The following OGDH variants were observed in gnomAD, a reference collection of about 807,000 sequenced individuals.
OGDH encodes oxoglutarate dehydrogenase.
A neutral mutation model predicts 116.6 loss-of-function variants in OGDH; 38 were observed. The ratio of observed to expected loss-of-function variants is 0.33; its 90% CI spans 0.25 to 0.43. The LOEUF (loss-of-function observed/expected upper bound fraction) is 0.43, where lower values mean the gene tolerates loss of function less well. Ranked by LOEUF, OGDH falls within the 20% of genes least tolerant of loss-of-function variation. The pLI is 1.00. For synonymous variants in OGDH, 488 were observed against 533.3 expected (o/e 0.92, Z 1.17); for missense variants, 825 against 1,357.2 (o/e 0.61, Z 6.16).
chr7:44,645,490 C>T lies in OGDH; in HGVS notation c.386C>T (p.Ala129Val). ...NVDKLVEDHL[A>V]VQSLIRAYQI... ...GACAAGCTCGTGGAGGACCACCTGG[C>T]AGTGCAGTCGCTCATCAGGGCATAT... is the stretch of plus-strand genomic sequence containing the variant. Residue 129 changes from alanine to valine, a missense_variant, in exon 3 of 23, where the codon GCA (alanine) becomes GTA (valine). Ala to Val is a moderately conservative substitution (Grantham distance 64, BLOSUM62 0). Around this residue, in one of 7 missense-constraint regions of OGDH, gnomAD observed 171 missense variants for 276.8 expected, o/e 0.62. Coordinates refer to ENST00000222673, the MANE Select transcript of OGDH (RefSeq NM_002541.4). 1 of 1,614,158 alleles carries T rather than the reference C, an allele frequency of 6.2e-7. No individual in the cohort carries two copies. Among genetic ancestry groups the T allele is most frequent in the Non-Finnish European group, 8.5e-7 (1 of 1,180,012 alleles).
intron 10 of OGDH, among the ~76,000 whole-genome samples, chr7:44,688,450 A>C (rs1364400858): frequency 4.1e-5 from 2 of 48,258 alleles, no homozygotes; most frequent in Non-Finnish European, 8.4e-5. Context: ...TTTTTTTTTG[A>C]GACGGAGTCT....
chr7:44,697,578 TTTTCTCC>T lies in OGDH; in HGVS notation c.2180-23_2180-17del. 1 of 1,613,906 alleles carries T rather than the reference TTTTCTCC, an allele frequency of 6.2e-7. No homozygotes were observed. The highest frequency in any genetic ancestry group is 8.5e-7 in the Non-Finnish European group (1 of 1,179,898). On this transcript the variant is annotated intron_variant, in intron 16 of 22. Transcript: ENST00000222673. The surrounding 1 kb of genome is among the most constrained non-coding windows in gnomAD (Gnocchi z 6.0). Reference sequence around the variant, plus strand: ...CTACTGGCTGGTGTCCTGGACATGGTTTTCTCCTTCCTTTGTCCCTTGTAGGCTTTGA... The same window carrying T: ...CTACTGGCTGGTGTCCTGGACATGGTTTCCTTTGTCCCTTGTAGGCTTTGA...
rs1232546320 is a variant in OGDH at position 44,674,395 on chromosome 7, T to A, written c.789-16T>A. ...GAGTGACATTGCCCTTCAAGGTGGCTTGGTTCCCTGTCCAGGTTTGAGGAG... is the reference window on the plus strand; with the variant it reads ...GAGTGACATTGCCCTTCAAGGTGGCATGGTTCCCTGTCCAGGTTTGAGGAG... On this transcript the variant is annotated splice_polypyrimidine_tract_variant and intron_variant, in intron 6 of 22. Coordinates refer to ENST00000222673, the MANE Select transcript of OGDH (RefSeq NM_002541.4). The A allele has an allele frequency of 6.2e-7, 1 of 1,613,948 alleles. No individual in the cohort carries two copies. The highest frequency in any genetic ancestry group is 2.2e-5 in the East Asian group (1 of 44,876).
intron 2 of OGDH, among the ~76,000 whole-genome samples, chr7:44,632,033 G>A (rs749580786): frequency 6.6e-6 from 1 of 152,164 alleles, no homozygotes; most frequent in Non-Finnish European, 1.5e-5. Context: ...GGAGCCAGAC[G>A]CAGCAAGAAA....
intron 2 of OGDH, among the ~76,000 whole-genome samples, chr7:44,632,283 G>T (rs1785474729): frequency 6.6e-6 from 1 of 151,950 alleles, no homozygotes. Flanking sequence ...CTCTAAATGA[G>T]GATCACTGCA....
intron 2 of OGDH, among the ~76,000 whole-genome samples, chr7:44,625,299 ATT>A (rs1785162478): frequency 6.6e-6 from 1 of 151,780 alleles, no homozygotes; most frequent in East Asian, 1.9e-4. Flanking sequence ...TAGTTTTTGT[ATT>A]TTTAGTAGAG....
intron 1 of OGDH, among the ~76,000 whole-genome samples, chr7:44,612,315 C>G (rs969076208): frequency 6.6e-6 from 1 of 152,168 alleles, no homozygotes; most frequent in Non-Finnish European, 1.5e-5. Flanking sequence ...TAAGAAGTCT[C>G]AAAATCGGAT....
chr7:44,634,196 G>A (rs776148075), intron 2 of OGDH, among the ~76,000 whole-genome samples: 7 of 152,234 alleles, frequency 4.6e-5, no homozygotes, highest in Admixed American at 6.5e-5. Context: ...AGGCCGGAGC[G>A]ATTCCTGCAC....
At chr7:44,703,596 C>T (rs752544428) in intron 20 of OGDH, among the ~76,000 whole-genome samples, 3 of 150,234 alleles carry the variant, frequency 2.0e-5, no homozygotes, top group East Asian at 3.9e-4. Flanking sequence ...GGCGCGCACC[C>T]GTAATCCCAG....
intron 10 of OGDH, among the ~76,000 whole-genome samples, chr7:44,693,365 G>C (rs1156296577): frequency 6.6e-6 from 1 of 151,504 alleles, no homozygotes; most frequent in Non-Finnish European, 1.5e-5. Context: ...ATAACACTTC[G>C]GGAAGCCGAG....
intron 20 of OGDH, among the ~76,000 whole-genome samples, chr7:44,703,057 T>A (rs1788908796): frequency 6.6e-6 from 1 of 152,244 alleles, no homozygotes; most frequent in South Asian, 2.1e-4. Flanking sequence ...CTGGCTTGTT[T>A]CATTTAGTAT....
chr7:44,703,185 G>A (rs2116409410), intron 20 of OGDH, among the ~76,000 whole-genome samples: 1 of 152,232 alleles, frequency 6.6e-6, no homozygotes, highest in African/African-American at 2.4e-5. Flanking sequence ...GGAGTTCGAG[G>A]CAGGTGGATC....
At chr7:44,642,039 G>A (rs936365414) in intron 2 of OGDH, among the ~76,000 whole-genome samples, 2 of 152,194 alleles carry the variant, frequency 1.3e-5, no homozygotes, top group East Asian at 1.9e-4. Context: ...CATGAGAACC[G>A]ATTTAATGGA....
chr7:44,685,076 G>T (rs776294745), intron 10 of OGDH, among the ~76,000 whole-genome samples: 1 of 152,010 alleles, frequency 6.6e-6, no homozygotes. Flanking sequence ...ATGAGCCACC[G>T]CTCCTGGCCT....
chr7:44,676,348 G>C, intron 9 of OGDH, 199 bp downstream of exon 9: 3 of 1,223,094 alleles, frequency 2.5e-6, no homozygotes, highest in Non-Finnish European at 3.3e-6. Flanking sequence ...CTGAGTTCGG[G>C]AGTTGGAGAC....
chr7:44,699,755 G>T (rs934767405), intron 18 of OGDH, among the ~76,000 whole-genome samples: 1 of 152,170 alleles, frequency 6.6e-6, no homozygotes, highest in Non-Finnish European at 1.5e-5. Flanking sequence ...AGTTCTGTAG[G>T]CTGTACAGGA....
chr7:44,661,046 T>C (rs893922348), intron 4 of OGDH, among the ~76,000 whole-genome samples: 2 of 152,182 alleles, frequency 1.3e-5, no homozygotes, highest in African/African-American at 4.8e-5. Flanking sequence ...GAGAGAGGGG[T>C]ATTAAAGTCT....
At chr7:44,611,416 C>T (rs1784561700) in intron 1 of OGDH, among the ~76,000 whole-genome samples, 1 of 151,964 alleles carries the variant, frequency 6.6e-6, no homozygotes, top group Admixed American at 6.6e-5. Context: ...CTACAGGTGC[C>T]CGCCACCATG....
At position 44,697,092 on chromosome 7, in the gene OGDH, C is replaced by T. The variant is rs1212465775; in HGVS notation, c.2051+28C>T. On this transcript the variant is annotated intron_variant, in intron 15 of 22. Transcript: ENST00000222673. This position sits in a 1 kb window ranked among gnomAD's most constrained non-coding sequence, Gnocchi z 6.0. ...AACGTTCTGGGCAGTTTTGTTTGCCCTCCAAAGAGTAGAAGATGGAAAGGG... is the reference window on the plus strand; with the variant it reads ...AACGTTCTGGGCAGTTTTGTTTGCCTTCCAAAGAGTAGAAGATGGAAAGGG... 11 of 1,601,824 alleles carry T rather than the reference C, an allele frequency of 6.9e-6. No individual in the cohort carries two copies. The highest frequency in any genetic ancestry group is 9.4e-6 in the Non-Finnish European group (11 of 1,170,132).
Sources: allele counts gnomAD v4.1 joint callset (sites outside exome capture counted in the v4.1 genomes callset), GRCh38; gene constraint gnomAD v4.1.1; regional missense constraint gnomAD v4.1.1; non-coding constraint Gnocchi (gnomAD v3.1); transcripts MANE v1.5; gene names NCBI Gene and HGNC (gene_info 2026-07-23, HGNC 2026-07-21).